Variants in TENM3 observed in about 807,000 individuals in gnomAD.
TENM3 encodes teneurin-3.
A neutral mutation model predicts 255.1 loss-of-function variants in TENM3; 63 were observed. That is an observed-to-expected ratio of 0.25 (90% CI 0.20 to 0.30). TENM3 has a LOEUF of 0.30. Among genes scored for constraint, TENM3 ranks in the 10% least tolerant of loss-of-function variants. TENM3 has a pLI of 1.00. For synonymous variants in TENM3, 1,306 were observed against 1,322.3 expected (o/e 0.99, Z 0.27); for missense variants, 2,929 against 3,461.1 (o/e 0.85, Z 3.86).
intron 4 of TENM3, among the ~76,000 whole-genome samples, chr4:182,622,214 C>T (rs984283791): frequency 6.6e-6 from 1 of 151,872 alleles, no homozygotes; most frequent in African/African-American, 2.4e-5. Context: ...ACAGAAATTA[C>T]CTGGCATGGT....
the TENM3 span, among the ~76,000 whole-genome samples, chr4:181,794,261 A>G: frequency 1.3e-5 from 2 of 152,142 alleles, no homozygotes; most frequent in African/African-American, 4.8e-5. Flanking sequence ...TCACATAGTT[A>G]TCCTTGTGAT....
the TENM3 span, among the ~76,000 whole-genome samples, chr4:181,779,211 G>T: frequency 8.6e-5 from 13 of 151,804 alleles, no homozygotes; most frequent in Admixed American, 2.0e-4. Context: ...AAAGGCTACT[G>T]CTCCATTTTC....
At chr4:182,671,642 C>G (rs1475337970) in intron 6 of TENM3, among the ~76,000 whole-genome samples, 1 of 151,956 alleles carries the variant, frequency 6.6e-6, no homozygotes. Context: ...CTCTAAGATT[C>G]TACTCTTTGG....
chr4:182,072,349 C>A, the TENM3 span, among the ~76,000 whole-genome samples: 1 of 152,170 alleles, frequency 6.6e-6, no homozygotes. Flanking sequence ...CACCGGCAGT[C>A]AGTGCTGACT....
intron 24 of TENM3, among the ~76,000 whole-genome samples, chr4:182,777,747 G>A (rs1168970340): frequency 6.7e-6 from 1 of 149,426 alleles, no homozygotes; most frequent in Non-Finnish European, 1.5e-5. Flanking sequence ...TAGTAGAGAC[G>A]GAGTTTTACC....
At chr4:181,849,374 T>G in the TENM3 span, among the ~76,000 whole-genome samples, 1 of 152,192 alleles carries the variant, frequency 6.6e-6, no homozygotes, top group East Asian at 1.9e-4. Context: ...AATAAACGTG[T>G]GCAAGCTTTC....
chr4:182,317,097 G>A (rs1174005056), intron 1 of TENM3, among the ~76,000 whole-genome samples: 1 of 152,190 alleles, frequency 6.6e-6, no homozygotes, highest in Admixed American at 6.5e-5. Flanking sequence ...TTGGCTGGAA[G>A]CAAAAGGTGG....
At chr4:182,696,280 CTA>C (rs1163398820) in intron 12 of TENM3, among the ~76,000 whole-genome samples, 2 of 152,118 alleles carry the variant, frequency 1.3e-5, no homozygotes, top group Non-Finnish European at 2.9e-5. Flanking sequence ...GAAAAGTAAA[CTA>C]TCGCATAGAA....
chr4:181,582,669 C>CAAAAAAAAAAAAAA, the TENM3 span, among the ~76,000 whole-genome samples: 1 of 124,754 alleles, frequency 8.0e-6, no homozygotes, highest in Non-Finnish European at 1.6e-5. Context: ...CAAAACAAAT[C>CAAAAAAAAAAAAAA]AAAAAAAAAA....
chr4:181,577,571 G>A, the TENM3 span, among the ~76,000 whole-genome samples: 1 of 152,054 alleles, frequency 6.6e-6, no homozygotes, highest in African/African-American at 2.4e-5. Context: ...TGAGATAGAC[G>A]TTGAACTTCT....
chr4:181,854,774 A>G, the TENM3 span, among the ~76,000 whole-genome samples: 6 of 152,328 alleles, frequency 3.9e-5, no homozygotes, highest in African/African-American at 1.4e-4. Context: ...ATTGGTCATC[A>G]TTTATGAAGG....
chr4:181,530,234 C>T, the TENM3 span, among the ~76,000 whole-genome samples: 5 of 152,150 alleles, frequency 3.3e-5, no homozygotes, highest in African/African-American at 1.2e-4. Context: ...GCCCTACATA[C>T]AGGGTAATAA....
the TENM3 span, among the ~76,000 whole-genome samples, chr4:181,925,188 G>T: frequency 6.6e-6 from 1 of 152,092 alleles, no homozygotes; most frequent in Non-Finnish European, 1.5e-5. Context: ...TAACAGTCTT[G>T]GGTGTTTTTA....
At chr4:181,849,619 AG>A in the TENM3 span, among the ~76,000 whole-genome samples, 1 of 152,366 alleles carries the variant, frequency 6.6e-6, no homozygotes, top group South Asian at 2.1e-4. Context: ...CCACTTAAAA[AG>A]TCAAAGCAAA....
the TENM3 span, among the ~76,000 whole-genome samples, chr4:181,739,618 G>A: frequency 6.6e-6 from 1 of 152,072 alleles, no homozygotes; most frequent in Non-Finnish European, 1.5e-5. Context: ...CTCTATATAA[G>A]CTTTCCACAT....
chr4:182,116,777 G>T, the TENM3 span, among the ~76,000 whole-genome samples: 8 of 152,220 alleles, frequency 5.3e-5, no homozygotes, highest in South Asian at 1.7e-3. Flanking sequence ...CCATGATCTG[G>T]ATATACCACA....
the TENM3 span, chr4:181,829,812 C>G: frequency 6.6e-6 from 1 of 152,334 alleles, no homozygotes; most frequent in Non-Finnish European, 1.5e-5. Flanking sequence ...GGTTCTGCAC[C>G]AGCCCCTGAG....
the TENM3 span, among the ~76,000 whole-genome samples, chr4:181,513,021 C>A: frequency 6.6e-6 from 1 of 152,144 alleles, no homozygotes; most frequent in African/African-American, 2.4e-5. Flanking sequence ...TGCATTAAAT[C>A]TCTATTATAT....
the TENM3 span, among the ~76,000 whole-genome samples, chr4:182,109,124 G>A: frequency 1.4e-5 from 2 of 145,798 alleles, no homozygotes; most frequent in Non-Finnish European, 3.1e-5. Context: ...TTCATATTAG[G>A]TTGATCCAGA....
Sources: gnomAD v4.1 joint callset for allele counts (sites outside exome capture counted in the v4.1 genomes callset) on GRCh38, gnomAD v4.1.1 for gene constraint, MANE v1.5 for transcripts, NCBI Gene and HGNC (gene_info 2026-07-23, HGNC 2026-07-21) for gene names.